The following PCDHGA11 variants were observed in gnomAD, a reference collection of about 807,000 sequenced individuals.
PCDHGA11 encodes protocadherin gamma-A11.
In PCDHGA11, 39 loss-of-function variants were observed where a neutral mutation model predicts 60.4. That is an observed-to-expected ratio of 0.65 (90% CI 0.50 to 0.84). The LOEUF (loss-of-function observed/expected upper bound fraction) is 0.84, where lower values mean the gene tolerates loss of function less well. Ranked by LOEUF, PCDHGA11 falls within the 40% of genes least tolerant of loss-of-function variation. PCDHGA11 has a pLI of 0.00. For missense variants in PCDHGA11, 1,165 were observed against 1,197.7 expected (o/e 0.97, Z 0.40); for synonymous variants, 533 against 510.3 (o/e 1.04, Z -0.60).
intron 2 of PCDHGA11, among the ~76,000 whole-genome samples, chr5:141,501,476 A>T (rs1274017343): frequency 3.3e-5 from 5 of 152,044 alleles, no homozygotes; most frequent in Admixed American, 3.3e-4. Context: ...ATCCTGGAAG[A>T]GTCCCTCATA....
chr5:141,438,627 TATATATATACACAC>T (rs1407400493), intron 1 of PCDHGA11, among the ~76,000 whole-genome samples: 2,053 of 47,724 alleles, frequency 0.043, 22 homozygotes, highest in African/African-American at 0.13. Context: ...TATATATATA[TATATATATACACAC>T]ACACACACAC....
chr5:141,500,188 A>T (rs182086759), intron 2 of PCDHGA11, among the ~76,000 whole-genome samples: 173 of 98,190 alleles, frequency 1.8e-3, no homozygotes, highest in African/African-American at 4.0e-3. Flanking sequence ...TTTTATTTTT[A>T]TTTATTTATT....
At chr5:141,461,740 G>A (rs770518286) in intron 1 of PCDHGA11, among the ~76,000 whole-genome samples, 4 of 152,072 alleles carry the variant, frequency 2.6e-5, no homozygotes, top group Non-Finnish European at 2.9e-5. Context: ...GCACAATCCC[G>A]GCTCCCAGAT....
intron 3 of PCDHGA11, among the ~76,000 whole-genome samples, chr5:141,510,504 G>A (rs371169260): frequency 1.3e-5 from 2 of 152,154 alleles, no homozygotes; most frequent in African/African-American, 4.8e-5. Flanking sequence ...AAGGAACTGA[G>A]AGCCCGTGTC....
intron 1 of PCDHGA11, chr5:141,441,917 A>G (rs979307331): frequency 3.1e-5 from 11 of 352,364 alleles, no homozygotes; most frequent in African/African-American, 2.0e-4. Context: ...GATGTGAGAC[A>G]CAATGCGTGG....
intron 1 of PCDHGA11, chr5:141,441,662 C>T: frequency 3.8e-6 from 1 of 260,740 alleles, no homozygotes; most frequent in Non-Finnish European, 7.7e-6. Flanking sequence ...TGTCCTTGAG[C>T]GCACAGTGCG....
At position 141,486,061 on chromosome 5, in the gene PCDHGA11, C is replaced by T. The variant is rs1280895997; in HGVS notation, c.2434-8746C>T. 2 of 1,614,166 alleles carry T rather than the reference C, an allele frequency of 1.2e-6. No individual in the cohort carries two copies. Among genetic ancestry groups the T allele is most frequent in the South Asian group, 1.1e-5 (1 of 91,078 alleles). On this transcript the variant is annotated intron_variant, in intron 1 of 3. Coordinates refer to ENST00000398587, the MANE Select transcript of PCDHGA11 (RefSeq NM_018914.3). The surrounding 1 kb of genome is among the most constrained non-coding windows in gnomAD (Gnocchi z 5.0). ...GTGTAAGAAACCTCTTTAGCCTGCA[C>T]CCCACTACTGGAAAGCTTACTCTTT...
chr5:141,485,134 C>T lies in PCDHGA11; in HGVS notation c.2434-9673C>T. The T allele has an allele frequency of 6.7e-7, 1 of 1,495,958 alleles. No homozygotes were observed. The highest frequency in any genetic ancestry group is 1.4e-5 in the African/African-American group (1 of 72,714). 92.7% of individuals were successfully genotyped at this position (1,495,958 alleles called of 1,614,324 possible). On this transcript the variant is annotated intron_variant, in intron 1 of 3. Transcript: ENST00000398587. The surrounding 1 kb of genome is among the most constrained non-coding windows in gnomAD (Gnocchi z 5.7). Reference sequence around the variant, plus strand: ...CTGTTTGGGGCGGGTCGGCTTCATCCGCGTCTCAGGAGCAAGTAGAGAATT... The same window carrying T: ...CTGTTTGGGGCGGGTCGGCTTCATCTGCGTCTCAGGAGCAAGTAGAGAATT...
chr5:141,430,655 G>C (rs1309165721), intron 1 of PCDHGA11: 2 of 1,085,056 alleles, frequency 1.8e-6, no homozygotes, highest in Non-Finnish European at 2.6e-6. Flanking sequence ...TGGAAACAAC[G>C]GAGGAGCTCT....
intron 1 of PCDHGA11, among the ~76,000 whole-genome samples, chr5:141,447,143 T>G (rs1484774611): frequency 2.6e-5 from 4 of 152,132 alleles, no homozygotes; most frequent in Admixed American, 6.6e-5. Flanking sequence ...TTGTTTTTTG[T>G]TTTTGTTTTT....
At chr5:141,482,544 A>AAAC (rs1041838777) in intron 1 of PCDHGA11, among the ~76,000 whole-genome samples, 4 of 151,844 alleles carry the variant, frequency 2.6e-5, no homozygotes, top group Non-Finnish European at 4.4e-5. Context: ...AAAAAAAAAA[A>AAAC]AAAAAGATAA....
intron 2 of PCDHGA11, among the ~76,000 whole-genome samples, chr5:141,499,738 A>G (rs1284003023): frequency 2.4e-5 from 3 of 127,268 alleles, no homozygotes; most frequent in South Asian, 2.4e-4. Flanking sequence ...TCTCTTGCCC[A>G]GGCTGTGGCA....
intron 1 of PCDHGA11, chr5:141,440,968 T>A (rs1487107428): frequency 6.6e-6 from 1 of 152,198 alleles, no homozygotes; most frequent in African/African-American, 2.4e-5. Flanking sequence ...AGATCACATA[T>A]GGCTTCACAA....
intron 1 of PCDHGA11, chr5:141,427,415 T>G: frequency 2.1e-6 from 1 of 465,414 alleles, no homozygotes; most frequent in Non-Finnish European, 4.3e-6. Context: ...CGAGAGAAAA[T>G]GGGGAGGTTA....
rs2099388737 is a variant in PCDHGA11 at position 141,476,307 on chromosome 5, G to T, written c.2434-18500G>T. 1 of 1,613,606 alleles carries T rather than the reference G, an allele frequency of 6.2e-7. No individual in the cohort carries two copies. The highest frequency in any genetic ancestry group is 1.3e-5 in the African/African-American group (1 of 74,728). ...TTGGATCTCGGTAGCCTCTCAGCCC[G>T]CAGGTTCCGGGTGGTGTCTGGAGCT... On this transcript the variant is annotated intron_variant, in intron 1 of 3. Coordinates refer to ENST00000398587, the MANE Select transcript of PCDHGA11 (RefSeq NM_018914.3). The surrounding 1 kb of genome is among the most constrained non-coding windows in gnomAD (Gnocchi z 7.6).
At position 141,491,770 on chromosome 5, in the gene PCDHGA11, G is replaced by C. The variant is rs1230581925; in HGVS notation, c.2434-3037G>C. 1 of 1,560,888 alleles carries C rather than the reference G, an allele frequency of 6.4e-7. No individual in the cohort carries two copies. Among genetic ancestry groups the C allele is most frequent in the Non-Finnish European group, 8.7e-7 (1 of 1,154,942 alleles). On this transcript the variant is annotated intron_variant, in intron 1 of 3. Coordinates refer to ENST00000398587, the MANE Select transcript of PCDHGA11 (RefSeq NM_018914.3). This position sits in a 1 kb window ranked among gnomAD's most constrained non-coding sequence, Gnocchi z 6.9. ...TGGAGAAGCCGCCCGTCCTCATAAG[G>C]GATTGAACTTGCATCCACTCCTCTC...
chr5:141,468,950 T>TG (rs752125489), intron 1 of PCDHGA11, among the ~76,000 whole-genome samples: 34 of 140,680 alleles, frequency 2.4e-4, no homozygotes, highest in African/African-American at 4.9e-4. Context: ...GGTAAACCTG[T>TG]GGTTTTTTTT....
chr5:141,434,724 C>T (rs2097712360), intron 1 of PCDHGA11, among the ~76,000 whole-genome samples: 2 of 151,800 alleles, frequency 1.3e-5, no homozygotes, highest in Admixed American at 1.3e-4. Flanking sequence ...GTTCAGGGCT[C>T]TCAGCTCTGA....
At chr5:141,454,875 T>G (rs2098805612) in intron 1 of PCDHGA11, among the ~76,000 whole-genome samples, 1 of 144,402 alleles carries the variant, frequency 6.9e-6, no homozygotes, top group African/African-American at 2.6e-5. Context: ...TGGCACGATC[T>G]TGGCTCACTG....
Sources: allele counts gnomAD v4.1 joint callset (sites outside exome capture counted in the v4.1 genomes callset), GRCh38; gene constraint gnomAD v4.1.1; non-coding constraint Gnocchi (gnomAD v3.1); transcripts MANE v1.5; gene names NCBI Gene and HGNC (gene_info 2026-07-23, HGNC 2026-07-21).